Variants in GAS2 observed in about 807,000 individuals in gnomAD.
The protein encoded by GAS2 is growth arrest specific 2.
Under a neutral mutation model 37.5 loss-of-function variants are expected in GAS2, and 20 were observed. The observed-to-expected ratio is 0.53, with a 90% CI of 0.37 to 0.77. GAS2 has a LOEUF of 0.77. Among genes scored for constraint, GAS2 ranks in the 30% least tolerant of loss-of-function variants. The probability of loss-of-function intolerance (pLI) is 0.00; values close to 1 mark genes in which losing one functional copy is unlikely to be tolerated. For synonymous variants in GAS2, 144 were observed against 132.2 expected (o/e 1.09, Z -0.61); for missense variants, 336 against 373.4 (o/e 0.90, Z 0.82).
intron 1 of GAS2, among the ~76,000 whole-genome samples, chr11:22,667,707 A>G (rs1033660490): frequency 6.6e-6 from 1 of 152,186 alleles, no homozygotes. Context: ...AGAAGTTTCC[A>G]TTGTCTTGAA....
At chr11:22,675,108 C>A in intron 2 of GAS2, 94 bp downstream of exon 2, 1 of 1,211,314 alleles carries the variant, frequency 8.3e-7, no homozygotes, top group Non-Finnish European at 1.1e-6. Context: ...TGTGATAGCA[C>A]CTTGGAAAGA....
rs1348892455 is a variant in GAS2 at position 22,726,317 on chromosome 11, G to A, written c.293G>A (p.Cys98Tyr). The A allele has an allele frequency of 2.5e-6, 4 of 1,607,464 alleles. No individual in the cohort carries two copies. The highest frequency in any genetic ancestry group is 3.4e-6 in the Non-Finnish European group (4 of 1,178,318). The stretch of plus-strand genomic sequence containing the variant: ...AATCTACCGTTGAAGAAGATCCCAT[G>A]CAAAACCAGTGCACCCTCGGGCTCC... ...TKNLPLKKIP[C>Y]KTSAPSGSFF... is the part of the protein sequence containing the mutation. The change falls in exon 4 of 8, where the codon TGC (cysteine) becomes TAC (tyrosine). Residue 98 changes from cysteine to tyrosine, a missense_variant. Transcript: ENST00000454584.
intron 3 of GAS2, among the ~76,000 whole-genome samples, chr11:22,710,099 A>C (rs1253913869): frequency 1.3e-5 from 2 of 152,098 alleles, no homozygotes; most frequent in Non-Finnish European, 2.9e-5. Context: ...CCAGCATGGC[A>C]CATGTATACA....
chr11:22,760,605 G>A (rs555078641), intron 7 of GAS2, among the ~76,000 whole-genome samples: 2 of 152,200 alleles, frequency 1.3e-5, no homozygotes, highest in African/African-American at 2.4e-5. Flanking sequence ...GTGTATTGTT[G>A]GAAGGAAATG....
chr11:22,647,048 A>C (rs1446263187), intron 1 of GAS2, among the ~76,000 whole-genome samples: 3 of 149,954 alleles, frequency 2.0e-5, no homozygotes, highest in Non-Finnish European at 3.0e-5. Context: ...CATTAGGTAT[A>C]TCTCCCAATG....
upstream of GAS2, among the ~76,000 whole-genome samples, chr11:22,663,746 A>C (rs1213916891): frequency 1.3e-5 from 2 of 152,192 alleles, no homozygotes; most frequent in Non-Finnish European, 2.9e-5. Context: ...GAAAAGTAAT[A>C]GCATTTATCG....
At chr11:22,709,774 A>G (rs998494072) in intron 3 of GAS2, among the ~76,000 whole-genome samples, 60 of 152,296 alleles carry the variant, frequency 3.9e-4, no homozygotes, top group Non-Finnish European at 6.9e-4. Context: ...ATGTCCAACA[A>G]CGATAGACTG....
At chr11:22,659,515 T>C (rs551487606) in intron 1 of GAS2, among the ~76,000 whole-genome samples, 1 of 152,302 alleles carries the variant, frequency 6.6e-6, no homozygotes, top group Middle Eastern at 3.4e-3. Flanking sequence ...TGACTTTTCC[T>C]GGTTAAAAGT....
At chr11:22,795,103 G>T (rs1263982032) in intron 7 of GAS2, among the ~76,000 whole-genome samples, 1 of 152,174 alleles carries the variant, frequency 6.6e-6, no homozygotes, top group African/African-American at 2.4e-5. Context: ...TGTGTGTAGT[G>T]TGTAGCCTAG....
chr11:22,757,532 G>A (rs1854113847), intron 7 of GAS2, among the ~76,000 whole-genome samples: 1 of 152,110 alleles, frequency 6.6e-6, no homozygotes, highest in African/African-American at 2.4e-5. Context: ...TGCAATAAGA[G>A]AGTTAACTGT....
chr11:22,656,021 T>C (rs548582148), intron 1 of GAS2, among the ~76,000 whole-genome samples: 191 of 152,310 alleles, frequency 1.3e-3, no homozygotes, highest in African/African-American at 4.5e-3. Context: ...AAAATAAAAA[T>C]ATCTTTATAG....
intron 3 of GAS2, among the ~76,000 whole-genome samples, chr11:22,719,456 G>T (rs1851842333): frequency 6.6e-6 from 1 of 152,014 alleles, no homozygotes; most frequent in African/African-American, 2.4e-5. Flanking sequence ...TGGTATATTT[G>T]TTAACAGTCA....
At chr11:22,626,896 A>C (rs912153281) in intron 1 of GAS2, 2 of 152,192 alleles carry the variant, frequency 1.3e-5, no homozygotes, top group African/African-American at 2.4e-5. Flanking sequence ...CTGTTAATTC[A>C]GATTTATGCA....
intron 7 of GAS2, among the ~76,000 whole-genome samples, chr11:22,777,728 G>A (rs954907713): frequency 1.3e-5 from 2 of 152,196 alleles, no homozygotes; most frequent in African/African-American, 4.8e-5. Flanking sequence ...AGAAAGGTAG[G>A]TTGGGGGCAA....
intron 7 of GAS2, among the ~76,000 whole-genome samples, chr11:22,780,178 A>G (rs1855481016): frequency 1.3e-5 from 2 of 152,178 alleles, no homozygotes; most frequent in Admixed American, 6.5e-5. Context: ...TGAAAAATAG[A>G]AAAGTAATTT....
At chr11:22,777,189 C>T (rs1855302377) in intron 7 of GAS2, among the ~76,000 whole-genome samples, 1 of 152,096 alleles carries the variant, frequency 6.6e-6, no homozygotes, top group Non-Finnish European at 1.5e-5. Flanking sequence ...AATCCTAAGC[C>T]ATACAACAAA....
intron 7 of GAS2, among the ~76,000 whole-genome samples, chr11:22,757,320 G>GT (rs372623566): frequency 3.3e-5 from 5 of 151,962 alleles, no homozygotes; most frequent in African/African-American, 1.2e-4. Flanking sequence ...TATAAGGCAG[G>GT]TTTTTTGATA....
chr11:22,786,518 A>T lies in GAS2; in HGVS notation c.724-25280A>T, dbSNP rs528027919. ...CAAGGACTGGTTTTCAGTAATAGTA[A>T]TATAGGATAGTATTAGTAATAAGTC... is the stretch of plus-strand genomic sequence containing the variant. On this transcript the variant is annotated intron_variant, in intron 7 of 7. Coordinates refer to ENST00000454584, the MANE Select transcript of GAS2 (RefSeq NM_001143830.3). Among the ~76,000 whole-genome samples the T allele has an allele frequency of 2.2e-4, 34 of 152,276 alleles. No individual in the cohort carries two copies. The East Asian group carries it at 5.6e-3, about 25-fold the overall frequency.
chr11:22,770,712 G>A (rs950855892), intron 7 of GAS2, among the ~76,000 whole-genome samples: 3 of 152,282 alleles, frequency 2.0e-5, no homozygotes, highest in East Asian at 3.9e-4. Flanking sequence ...GATTCTCAAA[G>A]TATATATGTC....
Sources: gnomAD v4.1 joint callset for allele counts (sites outside exome capture counted in the v4.1 genomes callset) on GRCh38, gnomAD v4.1.1 for gene constraint, MANE v1.5 for transcripts, NCBI Gene and HGNC (gene_info 2026-07-23, HGNC 2026-07-21) for gene names.